TACR1: variants seen among roughly 807,000 people sequenced by gnomAD.
TACR1 encodes tachykinin receptor 1, also known as substance-P receptor.
TACR1 carries 25 observed loss-of-function variants against 35.8 expected under a neutral mutation model. The ratio of observed to expected loss-of-function variants is 0.70; its 90% CI spans 0.51 to 0.98. TACR1 has a LOEUF of 0.98. TACR1 is among the 50% of genes least tolerant of loss of function. The probability of loss-of-function intolerance (pLI) is 0.00; values close to 1 mark genes in which losing one functional copy is unlikely to be tolerated. For missense variants in TACR1, 478 were observed against 522.9 expected (o/e 0.91, Z 0.84); for synonymous variants, 195 against 206.7 (o/e 0.94, Z 0.48).
At chr2:75,138,301 C>T (rs986577106) in intron 1 of TACR1, among the ~76,000 whole-genome samples, 1 of 152,192 alleles carries the variant, frequency 6.6e-6, no homozygotes, top group Non-Finnish European at 1.5e-5. Flanking sequence ...ATCTTCACCA[C>T]CTCCTATGTG....
At chr2:75,062,919 A>G (rs1672697242) in intron 2 of TACR1, among the ~76,000 whole-genome samples, 1 of 152,254 alleles carries the variant, frequency 6.6e-6, no homozygotes. Flanking sequence ...GCTGATAAAG[A>G]CATACCTGAG....
At chr2:75,085,835 G>A (rs1008371217) in intron 2 of TACR1, among the ~76,000 whole-genome samples, 1 of 152,058 alleles carries the variant, frequency 6.6e-6, no homozygotes, top group Non-Finnish European at 1.5e-5. Flanking sequence ...AACATTTTCA[G>A]ATTTCCTCAT....
At chr2:75,126,691 CAG>C (rs1674078696) in intron 1 of TACR1, among the ~76,000 whole-genome samples, 3 of 152,172 alleles carry the variant, frequency 2.0e-5, no homozygotes, top group African/African-American at 7.2e-5. Context: ...AAACTATCAA[CAG>C]AGCATACAGA....
At chr2:75,132,119 A>G (rs2103931154) in intron 1 of TACR1, among the ~76,000 whole-genome samples, 1 of 152,342 alleles carries the variant, frequency 6.6e-6, no homozygotes, top group South Asian at 2.1e-4. Context: ...TAGAGGAAAG[A>G]ATCTTTTGAT....
chr2:75,083,778 C>T lies in TACR1; in HGVS notation c.585-30023G>A, dbSNP rs1380865797. ...TTGTGATTTTTGCACATTGATTTTG[C>T]ATCCTGAGACTTTGCTGAAGTTGCT... On this transcript the variant is annotated intron_variant, in intron 2 of 4. Coordinates refer to ENST00000305249, the MANE Select transcript of TACR1 (RefSeq NM_001058.4). 1.6e-3 allele frequency among the ~76,000 whole-genome samples: 245 copies of T among 152,044 alleles called. 3 individuals are homozygous for T. Among genetic ancestry groups the T allele is most frequent in the African/African-American group, 5.7e-3 (235 of 41,412 alleles).
intron 1 of TACR1, among the ~76,000 whole-genome samples, chr2:75,151,461 A>G (rs187292751): frequency 6.6e-5 from 10 of 152,366 alleles, no homozygotes; most frequent in Non-Finnish European, 1.2e-4. Context: ...AGAGGATGCA[A>G]GCCCCAAGCC....
chr2:75,120,522 G>T, intron 2 of TACR1, 52 bp downstream of exon 2: 1 of 1,500,430 alleles, frequency 6.7e-7, no homozygotes, highest in Non-Finnish European at 9.0e-7. Flanking sequence ...AAGGGGCCAG[G>T]AAGGCAGCCT....
chr2:75,140,845 A>G (rs1188383514), intron 1 of TACR1, among the ~76,000 whole-genome samples: 1 of 152,168 alleles, frequency 6.6e-6, no homozygotes, highest in African/African-American at 2.4e-5. Flanking sequence ...GGCCCCTCCA[A>G]TGGTCTGAAT....
chr2:75,168,031 A>G (rs951550855), intron 1 of TACR1, among the ~76,000 whole-genome samples: 1 of 152,224 alleles, frequency 6.6e-6, no homozygotes, highest in Non-Finnish European at 1.5e-5. Context: ...ATTCACCAAC[A>G]TGTCAAGAGT....
chr2:75,154,504 A>G (rs1674786020), intron 1 of TACR1: 5 of 134,328 alleles, frequency 3.7e-5, no homozygotes, highest in Admixed American at 7.5e-5. Context: ...ACACACACAC[A>G]CACACACACA....
intron 1 of TACR1, among the ~76,000 whole-genome samples, chr2:75,158,731 G>A (rs963151540): frequency 1.3e-5 from 2 of 152,156 alleles, no homozygotes; most frequent in African/African-American, 4.8e-5. Context: ...AAATCAATAT[G>A]CCCAGCATCG....
chr2:75,056,896 C>G (rs1672579458), intron 2 of TACR1, among the ~76,000 whole-genome samples: 1 of 152,114 alleles, frequency 6.6e-6, no homozygotes, highest in Non-Finnish European at 1.5e-5. Flanking sequence ...GAAATAGGAT[C>G]CAGCAATTCT....
chr2:75,193,467 G>A (rs968786053), intron 1 of TACR1, among the ~76,000 whole-genome samples: 10 of 152,088 alleles, frequency 6.6e-5, no homozygotes, highest in Middle Eastern at 6.8e-3. Flanking sequence ...CCAACTAATC[G>A]TTATATTTTC....
At chr2:75,137,362 A>T (rs1317024197) in intron 1 of TACR1, among the ~76,000 whole-genome samples, 1 of 152,240 alleles carries the variant, frequency 6.6e-6, no homozygotes, top group Non-Finnish European at 1.5e-5. Flanking sequence ...ACATATAGGT[A>T]GAGTGGTCAC....
chr2:75,186,652 A>T, intron 1 of TACR1, among the ~76,000 whole-genome samples: 1 of 152,040 alleles, frequency 6.6e-6, no homozygotes, highest in East Asian at 1.9e-4. Flanking sequence ...CTTAAAAAAA[A>T]AAAAGGTGGC....
At chr2:75,186,371 C>CAAAAAAA (rs373147504) in intron 1 of TACR1, among the ~76,000 whole-genome samples, 119 of 81,492 alleles carry the variant, frequency 1.5e-3, no homozygotes, top group Non-Finnish European at 2.1e-3. Flanking sequence ...GACTCTGTCT[C>CAAAAAAA]AAAAAAAAAA....
At chr2:75,137,728 C>CAAAAAAAAAAA (rs11326632) in intron 1 of TACR1, among the ~76,000 whole-genome samples, 343 of 47,574 alleles carry the variant, frequency 7.2e-3, no homozygotes, top group Non-Finnish European at 8.2e-3. Flanking sequence ...GTCTCCGTCT[C>CAAAAAAAAAAA]AAAAAAAAAA....
chr2:75,179,518 T>C (rs1040260548), intron 1 of TACR1, among the ~76,000 whole-genome samples: 1 of 152,210 alleles, frequency 6.6e-6, no homozygotes, highest in Admixed American at 6.5e-5. Context: ...TTATCATGCA[T>C]AGAATGAAAT....
chr2:75,108,094 AG>A (rs1408031727), intron 2 of TACR1, among the ~76,000 whole-genome samples: 3 of 152,126 alleles, frequency 2.0e-5, no homozygotes, highest in East Asian at 3.8e-4. Flanking sequence ...TCTTTCATAA[AG>A]GGCTCAAGGG....
Sources: gnomAD v4.1 joint callset for allele counts (sites outside exome capture counted in the v4.1 genomes callset) on GRCh38, gnomAD v4.1.1 for gene constraint, MANE v1.5 for transcripts, NCBI Gene and HGNC (gene_info 2026-07-23, HGNC 2026-07-21) for gene names.